Variants in CHSY3 observed in about 807,000 individuals in gnomAD.
CHSY3 encodes N-acetylgalactosaminyl-proteoglycan 3-beta-glucuronosyltransferase 3.
Under a neutral mutation model 67.2 loss-of-function variants are expected in CHSY3, and 35 were observed. That is an observed-to-expected ratio of 0.52 (90% CI 0.40 to 0.69). The LOEUF is 0.69. Ranked by LOEUF, CHSY3 falls within the 30% of genes least tolerant of loss-of-function variation. The probability of loss-of-function intolerance (pLI) is 0.00; values close to 1 mark genes in which losing one functional copy is unlikely to be tolerated. For synonymous variants in CHSY3, 474 were observed against 434.7 expected, an observed-to-expected ratio of 1.09 and a Z score of -1.12; for missense variants, 1,069 against 1,138.5, an observed-to-expected ratio of 0.94 and a Z score of 0.88.
intron 2 of CHSY3, among the ~76,000 whole-genome samples, chr5:130,019,116 CA>C (rs770066598): frequency 2.7e-5 from 4 of 149,816 alleles, no homozygotes; most frequent in Admixed American, 6.8e-5. Flanking sequence ...TATAGCAACA[CA>C]AAACAGACTA....
At chr5:130,155,327 A>G (rs2149725710) in intron 2 of CHSY3, among the ~76,000 whole-genome samples, 1 of 152,322 alleles carries the variant, frequency 6.6e-6, no homozygotes, top group East Asian at 1.9e-4. Context: ...AGGGCAAGCC[A>G]TCTGGCCCTC....
intron 2 of CHSY3, among the ~76,000 whole-genome samples, chr5:129,989,198 C>T (rs1398301225): frequency 2.0e-5 from 3 of 151,264 alleles, no homozygotes; most frequent in South Asian, 2.1e-4. Flanking sequence ...AGCCTTCTAA[C>T]AGGGTCATCC....
chr5:129,962,074 T>G (rs1762339544), intron 2 of CHSY3, among the ~76,000 whole-genome samples: 1 of 152,098 alleles, frequency 6.6e-6, no homozygotes, highest in East Asian at 1.9e-4. Flanking sequence ...TGGGTTTTGT[T>G]TCCTGTATCC....
At chr5:129,941,456 A>G (rs1245602217) in intron 2 of CHSY3, among the ~76,000 whole-genome samples, 1 of 152,172 alleles carries the variant, frequency 6.6e-6, no homozygotes, top group African/African-American at 2.4e-5. Flanking sequence ...AGACAGATTT[A>G]TGCCAGTGTC....
At chr5:130,000,111 A>G (rs1364606227) in intron 2 of CHSY3, among the ~76,000 whole-genome samples, 1 of 152,216 alleles carries the variant, frequency 6.6e-6, no homozygotes, top group Non-Finnish European at 1.5e-5. Flanking sequence ...AAGAACTCAA[A>G]CTTCTTAGAT....
chr5:130,013,924 C>T (rs1764137836), intron 2 of CHSY3, among the ~76,000 whole-genome samples: 1 of 152,180 alleles, frequency 6.6e-6, no homozygotes, highest in Non-Finnish European at 1.5e-5. Context: ...CTGCTATGCT[C>T]TGCTTCCTCT....
chr5:129,956,623 T>A (rs1381675765), intron 2 of CHSY3, among the ~76,000 whole-genome samples: 1 of 152,122 alleles, frequency 6.6e-6, no homozygotes, highest in African/African-American at 2.4e-5. Flanking sequence ...TCGTGAAATC[T>A]TGAATTGATT....
chr5:130,175,663 G>C (rs1488787091), intron 2 of CHSY3, among the ~76,000 whole-genome samples: 1 of 151,026 alleles, frequency 6.6e-6, no homozygotes, highest in Non-Finnish European at 1.5e-5. Flanking sequence ...CAGATATATA[G>C]ACCAATGGAA....
At chr5:130,129,464 A>T (rs1350380905) in intron 2 of CHSY3, among the ~76,000 whole-genome samples, 2 of 152,170 alleles carry the variant, frequency 1.3e-5, no homozygotes, top group Non-Finnish European at 2.9e-5. Flanking sequence ...GGCACAAATT[A>T]ATTTATAACA....
intron 2 of CHSY3, among the ~76,000 whole-genome samples, chr5:130,116,320 A>G (rs975967892): frequency 1.4e-4 from 22 of 152,244 alleles, no homozygotes; most frequent in African/African-American, 5.1e-4. Flanking sequence ...TGACACAATT[A>G]AGCTATAAAT....
intron 2 of CHSY3, among the ~76,000 whole-genome samples, chr5:130,166,434 A>G (rs149845308): frequency 6.6e-6 from 1 of 152,274 alleles, no homozygotes; most frequent in African/African-American, 2.4e-5. Context: ...AACTTTATAC[A>G]TAAGAAAGAA....
chr5:130,011,238 A>T (rs891078832), intron 2 of CHSY3, among the ~76,000 whole-genome samples: 2 of 152,196 alleles, frequency 1.3e-5, no homozygotes, highest in African/African-American at 4.8e-5. Flanking sequence ...AATACAAGCT[A>T]ACCAAATCCA....
At chr5:130,098,353 G>A (rs1170251305) in intron 2 of CHSY3, among the ~76,000 whole-genome samples, 1 of 152,104 alleles carries the variant, frequency 6.6e-6, no homozygotes, top group Non-Finnish European at 1.5e-5. Context: ...ACACACCCAC[G>A]TTTATTGATA....
At chr5:130,149,182 T>G (rs1419305157) in intron 2 of CHSY3, among the ~76,000 whole-genome samples, 1 of 152,186 alleles carries the variant, frequency 6.6e-6, no homozygotes, top group Non-Finnish European at 1.5e-5. Context: ...CTTCCACATT[T>G]TCAGGTATCT....
intron 2 of CHSY3, among the ~76,000 whole-genome samples, chr5:130,091,443 A>G (rs1402149474): frequency 6.6e-6 from 1 of 152,176 alleles, no homozygotes; most frequent in Admixed American, 6.5e-5. Flanking sequence ...AGTGAAGGAA[A>G]ATTCTAAGTA....
intron 2 of CHSY3, among the ~76,000 whole-genome samples, chr5:130,068,828 G>A (rs1171106504): frequency 1.3e-5 from 2 of 152,040 alleles, no homozygotes; most frequent in Non-Finnish European, 2.9e-5. Context: ...CATTTATATA[G>A]GTAGTTCAAT....
intron 2 of CHSY3, among the ~76,000 whole-genome samples, chr5:130,084,716 C>T (rs1219512236): frequency 6.6e-6 from 1 of 151,716 alleles, no homozygotes; most frequent in Non-Finnish European, 1.5e-5. Flanking sequence ...TCTTATGTCT[C>T]TCTAAAATAT....
intron 2 of CHSY3, among the ~76,000 whole-genome samples, chr5:130,024,791 G>A (rs1383192449): frequency 6.6e-6 from 1 of 152,102 alleles, no homozygotes; most frequent in Non-Finnish European, 1.5e-5. Flanking sequence ...GCTCCCTAAT[G>A]TCACTTTGTA....
intron 2 of CHSY3, among the ~76,000 whole-genome samples, chr5:129,932,109 TA>T (rs1043364020): frequency 8.2e-5 from 2 of 24,312 alleles, no homozygotes; most frequent in African/African-American, 2.0e-4. Flanking sequence ...AAACCATATA[TA>T]TATATATATA....
Sources: gnomAD v4.1 joint callset for allele counts (sites outside exome capture counted in the v4.1 genomes callset) on GRCh38, gnomAD v4.1.1 for gene constraint, MANE v1.5 for transcripts, NCBI Gene and HGNC (gene_info 2026-07-23, HGNC 2026-07-21) for gene names.